The following COG5 variants were observed in gnomAD, a reference collection of about 807,000 sequenced individuals.
COG5 encodes the protein conserved oligomeric Golgi complex subunit 5.
In COG5, 86 loss-of-function variants were observed where a neutral mutation model predicts 110.4. The observed-to-expected ratio is 0.78, with a 90% CI of 0.65 to 0.93. The LOEUF (loss-of-function observed/expected upper bound fraction) is 0.93, where lower values mean the gene tolerates loss of function less well. Among genes scored for constraint, COG5 ranks in the 40% least tolerant of loss-of-function variants. The pLI is 0.00. For synonymous variants in COG5, 360 were observed against 334.6 expected, an observed-to-expected ratio of 1.08 and a Z score of -0.83; for missense variants, 1,077 against 987.0, an observed-to-expected ratio of 1.09 and a Z score of -1.22.
chr7:107,259,050 C>A (rs945300192), intron 14 of COG5, among the ~76,000 whole-genome samples: 3 of 151,890 alleles, frequency 2.0e-5, no homozygotes, highest in African/African-American at 7.3e-5. Flanking sequence ...CTACACTTGA[C>A]CTTTAATTTA....
Position 107,458,933 on chromosome 7 carries a change from A to C in COG5, c.539-46301T>G, listed in dbSNP as rs1795824811. ...ATATACATATATTATATGTACATATATACACACACATTTATATTATTATAT... is the reference window on the plus strand; with the variant it reads ...ATATACATATATTATATGTACATATCTACACACACATTTATATTATTATAT... On this transcript the variant is annotated intron_variant, in intron 6 of 21. Coordinates refer to ENST00000297135, the MANE Select transcript of COG5 (RefSeq NM_006348.5). Among the ~76,000 whole-genome samples the C allele has an allele frequency of 2.0e-5, 3 of 151,344 alleles. No homozygotes were observed. In the South Asian group the frequency reaches 6.2e-4, roughly 32 times the overall value.
chr7:107,498,007 C>A (rs753977064), intron 6 of COG5, among the ~76,000 whole-genome samples: 1 of 152,078 alleles, frequency 6.6e-6, no homozygotes, highest in Non-Finnish European at 1.5e-5. Context: ...CAATGTGTAA[C>A]AAGGGTGCCA....
chr7:107,383,556 G>A (rs1018871261), intron 7 of COG5, among the ~76,000 whole-genome samples: 1 of 152,120 alleles, frequency 6.6e-6, no homozygotes, highest in African/African-American at 2.4e-5. Flanking sequence ...TACCTCAAGG[G>A]TGCAAGCTGC....
chr7:107,492,811 T>C (rs747128519), intron 6 of COG5, among the ~76,000 whole-genome samples: 3 of 152,154 alleles, frequency 2.0e-5, no homozygotes, highest in Non-Finnish European at 4.4e-5. Flanking sequence ...CCTTTTGCAA[T>C]GTAAGTTAAC....
intron 14 of COG5, among the ~76,000 whole-genome samples, chr7:107,277,965 A>G (rs1228315874): frequency 6.6e-6 from 1 of 152,208 alleles, no homozygotes; most frequent in African/African-American, 2.4e-5. Context: ...ATACCCCAGA[A>G]TATTAAAAAT....
At chr7:107,372,861 A>G in intron 7 of COG5, 101 bp from the exon 8 acceptor site, 1 of 1,005,234 alleles carries the variant, frequency 9.9e-7, no homozygotes, top group South Asian at 1.5e-5. Context: ...CAGTCCTATC[A>G]TATTTAAATA....
At chr7:107,207,369 C>T (rs571578451) in intron 21 of COG5, among the ~76,000 whole-genome samples, 1 of 152,202 alleles carries the variant, frequency 6.6e-6, no homozygotes, top group East Asian at 1.9e-4. Context: ...GATTGTGGAC[C>T]CTGGACCATG....
intron 6 of COG5, among the ~76,000 whole-genome samples, chr7:107,489,673 A>G (rs1797867118): frequency 6.6e-6 from 1 of 152,216 alleles, no homozygotes; most frequent in Non-Finnish European, 1.5e-5. Flanking sequence ...CACGTTAAGT[A>G]TGTAACATAA....
chr7:107,441,923 T>C (rs1794727529), intron 6 of COG5, among the ~76,000 whole-genome samples: 1 of 152,240 alleles, frequency 6.6e-6, no homozygotes, highest in Non-Finnish European at 1.5e-5. Context: ...TATGCATTAG[T>C]TTAGCAATGC....
chr7:107,524,232 T>C (rs187091521), intron 6 of COG5, among the ~76,000 whole-genome samples: 18 of 152,338 alleles, frequency 1.2e-4, no homozygotes, highest in African/African-American at 3.1e-4. Context: ...CACGACTATC[T>C]AATTCCAGAA....
chr7:107,384,984 T>C (rs939584488), intron 7 of COG5, among the ~76,000 whole-genome samples: 12 of 152,242 alleles, frequency 7.9e-5, no homozygotes, highest in East Asian at 3.8e-4. Context: ...CCAAAAATCA[T>C]GTCCAACCAA....
intron 6 of COG5, among the ~76,000 whole-genome samples, chr7:107,427,389 A>T (rs144371032): frequency 4.6e-5 from 7 of 152,314 alleles, no homozygotes; most frequent in African/African-American, 1.7e-4. Context: ...CTCCCTGTGA[A>T]AACACTGCAC....
chr7:107,420,731 G>C (rs1793229163), intron 6 of COG5, among the ~76,000 whole-genome samples: 1 of 152,210 alleles, frequency 6.6e-6, no homozygotes, highest in South Asian at 2.1e-4. Flanking sequence ...AAAGTGCTGG[G>C]ATTACAGGCG....
intron 19 of COG5, among the ~76,000 whole-genome samples, chr7:107,222,745 A>C (rs1275063412): frequency 6.6e-6 from 1 of 152,248 alleles, no homozygotes; most frequent in Admixed American, 6.5e-5. Context: ...TTTATGAAAC[A>C]AAAAGAAATA....
chr7:107,365,140 G>A (rs1813487709), intron 8 of COG5, among the ~76,000 whole-genome samples: 1 of 151,964 alleles, frequency 6.6e-6, no homozygotes, highest in African/African-American at 2.4e-5. Flanking sequence ...AGAAATACAA[G>A]ACATTGCCAT....
At chr7:107,272,246 T>TA (rs1279345890) in intron 14 of COG5, among the ~76,000 whole-genome samples, 1 of 152,204 alleles carries the variant, frequency 6.6e-6, no homozygotes, top group Non-Finnish European at 1.5e-5. Context: ...GATAAATGTA[T>TA]ATCTGATTGT....
chr7:107,243,808 T>C (rs953457868), intron 17 of COG5, among the ~76,000 whole-genome samples: 1 of 152,148 alleles, frequency 6.6e-6, no homozygotes, highest in Non-Finnish European at 1.5e-5. Flanking sequence ...ACATCAATCA[T>C]ACCAAACACA....
At chr7:107,311,913 G>GA (rs1174661656) in intron 11 of COG5, among the ~76,000 whole-genome samples, 1 of 151,658 alleles carries the variant, frequency 6.6e-6, no homozygotes, top group Non-Finnish European at 1.5e-5. Context: ...TGTTGAATCA[G>GA]AAAATTTTCC....
At position 107,415,769 on chromosome 7, in the gene COG5, T is replaced by C. The variant is rs181287689; in HGVS notation, c.539-3137A>G. On this transcript the variant is annotated intron_variant, in intron 6 of 21. Transcript: ENST00000297135. ...ATGTATGTATATATGTATGTGTGTA[T>C]ATATACACACACATACACGTATGTA... 6.4e-4 allele frequency among the ~76,000 whole-genome samples: 92 copies of C among 144,428 alleles called. 1 individual carries two copies. Among genetic ancestry groups the C allele is most frequent in the South Asian group, 1.1e-3 (5 of 4,610 alleles). The allele number at this position is 144,428 out of a possible 152,430, so 94.8% of individuals were successfully genotyped here. A position where few individuals can be genotyped will look rare whatever the true frequency, so the allele number is the denominator to read the frequency against.
Sources: allele counts gnomAD v4.1 joint callset (sites outside exome capture counted in the v4.1 genomes callset), GRCh38; gene constraint gnomAD v4.1.1; transcripts MANE v1.5; gene names NCBI Gene and HGNC (gene_info 2026-07-23, HGNC 2026-07-21).